PCYT1A: variants seen among roughly 807,000 people sequenced by gnomAD.
The protein encoded by PCYT1A is phosphate cytidylyltransferase 1A, choline, also known as choline-phosphate cytidylyltransferase A.
PCYT1A carries 25 observed loss-of-function variants against 43.7 expected under a neutral mutation model. The ratio of observed to expected loss-of-function variants is 0.57; its 90% confidence interval spans 0.42 to 0.80. The LOEUF (loss-of-function observed/expected upper bound fraction) is 0.80. Ranked by LOEUF, PCYT1A falls within the 30% of genes least tolerant of loss-of-function variation. PCYT1A has a pLI of 0.00. For synonymous variants in PCYT1A, 172 were observed against 170.7 expected (o/e 1.01, Z -0.06); for missense variants, 421 against 474.2 (o/e 0.89, Z 1.04).
At chr3:196,243,947 G>A (rs1244364530) in intron 5 of PCYT1A, among the ~76,000 whole-genome samples, 4 of 152,166 alleles carry the variant, frequency 2.6e-5, no homozygotes, top group African/African-American at 4.8e-5. Flanking sequence ...GCCTCTGCCC[G>A]GCCGCCACCC....
intron 7 of PCYT1A, chr3:196,241,531 C>T (rs775112505): frequency 1.3e-5 from 17 of 1,291,000 alleles, no homozygotes; most frequent in Admixed American, 2.3e-5. Flanking sequence ...ACTTAACTTT[C>T]GTCAATCCAA....
At chr3:196,265,269 T>C (rs956209755) in intron 2 of PCYT1A, among the ~76,000 whole-genome samples, 4 of 151,972 alleles carry the variant, frequency 2.6e-5, no homozygotes, top group African/African-American at 7.2e-5. Context: ...GGTTTCGCCA[T>C]GTTGGCCAGG....
chr3:196,240,797 T>C (rs1381502857), intron 7 of PCYT1A: 2 of 152,138 alleles, frequency 1.3e-5, no homozygotes, highest in African/African-American at 2.4e-5. Flanking sequence ...AATAAAGCTA[T>C]AGTAAGTAAA....
In PCYT1A at chr3:196,234,961, A is replaced by G. The variant is rs1382738185; in HGVS notation, c.*3727T>C. On this transcript the variant is annotated 3_prime_UTR_variant, in exon 9 of 9. Coordinates refer to ENST00000431016, the MANE Select transcript of PCYT1A (RefSeq NM_001312673.2). ...TAAGCTTAAAAAAATATCATCAGTTAAAAACATTAAGGGGGCTTTCTTTTT... is the reference window on the plus strand; with the variant it reads ...TAAGCTTAAAAAAATATCATCAGTTGAAAACATTAAGGGGGCTTTCTTTTT... The G allele has an allele frequency of 6.6e-6, 1 of 152,242 alleles. No homozygotes were observed. The highest frequency in any genetic ancestry group is 2.4e-5 in the African/African-American group (1 of 41,462). The allele number at this position is 152,242 out of a possible 1,614,324, so 9.4% of individuals were successfully genotyped here. A position where few individuals can be genotyped will look rare whatever the true frequency, so the allele number is the denominator to read the frequency against.
Position 196,238,567 on chromosome 3 carries a change from C to A in PCYT1A, c.*121G>T. ...CCCCCAGTCCTAGGTCTTCTTTCCC[C>A]AGTTGTCTTTCCTTTGTAGCTGTCC... On this transcript the variant is annotated 3_prime_UTR_variant, in exon 9 of 9. Transcript: ENST00000431016. The A allele has an allele frequency of 1.5e-6, 1 of 673,110 alleles. No individual in the cohort carries two copies. The highest frequency in any genetic ancestry group is 2.4e-6 in the Non-Finnish European group (1 of 415,738). The allele number at this position is 673,110 out of a possible 1,614,324, so 41.7% of individuals were successfully genotyped here.
chr3:196,245,173 G>A (rs1243652317), intron 5 of PCYT1A, among the ~76,000 whole-genome samples: 2 of 145,678 alleles, frequency 1.4e-5, no homozygotes, highest in Admixed American at 7.0e-5. Flanking sequence ...ACCGAGTCTC[G>A]CTCTGTCGCC....
intron 3 of PCYT1A, among the ~76,000 whole-genome samples, chr3:196,250,883 A>T (rs913871446): frequency 6.6e-6 from 1 of 151,982 alleles, no homozygotes; most frequent in Non-Finnish European, 1.5e-5. Context: ...GATCAGATAC[A>T]CTATGCTGAG....
At chr3:196,244,266 C>CCT (rs1724476478) in intron 5 of PCYT1A, among the ~76,000 whole-genome samples, 1 of 145,964 alleles carries the variant, frequency 6.9e-6, no homozygotes, top group Non-Finnish European at 1.5e-5. Flanking sequence ...CCTGGCCGCC[C>CCT]ATCGTCTGGG....
In PCYT1A at chr3:196,270,412, T is replaced by C. The variant is rs775994111; in HGVS notation, c.117+3A>G. On this transcript the variant is annotated splice_donor_region_variant and intron_variant, in intron 2 of 8. Transcript: ENST00000431016. ...TCCCCCTGCCAGGTTAATCTCCACT[T>C]ACCACTGCACAGCGCTGCACTTTGG... 1 of 1,594,454 alleles carries C rather than the reference T, an allele frequency of 6.3e-7. No individual in the cohort carries two copies. The highest frequency in any genetic ancestry group is 1.1e-5 in the South Asian group (1 of 90,674).
Position 196,268,631 on chromosome 3 carries a change from T to C in PCYT1A, c.117+1784A>G, listed in dbSNP as rs1725344844. Among the ~76,000 whole-genome samples the C allele has an allele frequency of 6.6e-6, 1 of 151,412 alleles. No homozygotes were observed. The highest frequency in any genetic ancestry group is 1.5e-5 in the Non-Finnish European group (1 of 67,890). On this transcript the variant is annotated intron_variant, in intron 2 of 8. Coordinates refer to ENST00000431016, the MANE Select transcript of PCYT1A (RefSeq NM_001312673.2). This position sits in a 1 kb window ranked among gnomAD's most constrained non-coding sequence, Gnocchi z 4.4. Reference sequence around the variant, plus strand: ...AAGACCCTTACTCTAAAAATAAAAATAAAAATAAAAATAGTAAGCCAGGCA... The same window carrying C: ...AAGACCCTTACTCTAAAAATAAAAACAAAAATAAAAATAGTAAGCCAGGCA...
rs1050254057 is a variant in PCYT1A, at chr3:196,237,477, T to C, written c.*1211A>G. ...TCTTGTCACGTGAGGGTATGCTCTGTGGCTTGCTGGAGGAGCAGCAGAGGG... is the reference window on the plus strand; with the variant it reads ...TCTTGTCACGTGAGGGTATGCTCTGCGGCTTGCTGGAGGAGCAGCAGAGGG... On this transcript the variant is annotated 3_prime_UTR_variant, in exon 9 of 9. Coordinates refer to ENST00000431016, the MANE Select transcript of PCYT1A (RefSeq NM_001312673.2). The C allele has an allele frequency of 6.6e-6, 1 of 152,220 alleles. No individual in the cohort carries two copies. The allele number at this position is 152,220 out of a possible 1,614,324, so 9.4% of individuals were successfully genotyped here.
At chr3:196,264,644 T>TATACTTAGCCTCCC (rs1725213696) in intron 2 of PCYT1A, among the ~76,000 whole-genome samples, 1 of 152,108 alleles carries the variant, frequency 6.6e-6, no homozygotes, top group Non-Finnish European at 1.5e-5. Flanking sequence ...TTGGGAGGCC[T>TATACTTAGCCTCCC]ATACTTAGCC....
chr3:196,253,952 C>G (rs1724876203), intron 3 of PCYT1A, among the ~76,000 whole-genome samples: 1 of 149,124 alleles, frequency 6.7e-6, no homozygotes, highest in South Asian at 2.1e-4. Flanking sequence ...ATATAATGTA[C>G]TATATAATAC....
intron 2 of PCYT1A, among the ~76,000 whole-genome samples, chr3:196,258,485 A>ATTATCAGT (rs1355939409): frequency 3.3e-5 from 5 of 152,038 alleles, no homozygotes; most frequent in Non-Finnish European, 7.4e-5. Context: ...GCTAAAGTTA[A>ATTATCAGT]TTATCAGTTC....
rs540558040 is a variant in PCYT1A at position 196,280,577 on chromosome 3, T to TG, written c.-11+7037_-11+7038insC. ...TGTATTGGTATTTTTATTGTTTTTT[T>TG]TTTTTTTTTTTTCTGAATATTTTCG... is the stretch of plus-strand genomic sequence containing the variant. On this transcript the variant is annotated intron_variant, in intron 1 of 8. Coordinates refer to ENST00000431016, the MANE Select transcript of PCYT1A (RefSeq NM_001312673.2). Among the ~76,000 whole-genome samples the TG allele has an allele frequency of 6.1e-5, 9 of 147,972 alleles. No individual in the cohort carries two copies. In the South Asian group the frequency reaches 1.5e-3, roughly 25 times the overall value.
intron 3 of PCYT1A, among the ~76,000 whole-genome samples, chr3:196,256,316 C>G (rs1034254271): frequency 1.3e-5 from 2 of 151,990 alleles, no homozygotes; most frequent in Non-Finnish European, 2.9e-5. Flanking sequence ...ATGGTGAAAC[C>G]CCGTCTCTAC....
Position 196,247,517 on chromosome 3 carries a change from A to G in PCYT1A, c.336T>C (p.Val112=). ...LFPNTYLIVG[V]CSDELTHNFK... is the part of the protein sequence containing the mutation. The stretch of plus-strand genomic sequence containing the variant: ...AGTTGTGTGTGAGCTCATCACTGCA[A>G]ACTGGTTCACCACATCATAAATTGT... Residue 112 remains valine, a splice_region_variant and synonymous_variant, in exon 5 of 9, where the codon GTT becomes GTC. Coordinates refer to ENST00000431016, the MANE Select transcript of PCYT1A (RefSeq NM_001312673.2). The surrounding 1 kb of genome is among the most constrained non-coding windows in gnomAD (Gnocchi z 4.8). 1 of 1,614,004 alleles carries G rather than the reference A, an allele frequency of 6.2e-7. No individual in the cohort carries two copies.
chr3:196,257,513 C>G (rs1322531042), intron 3 of PCYT1A, among the ~76,000 whole-genome samples: 1 of 152,098 alleles, frequency 6.6e-6, no homozygotes, highest in Non-Finnish European at 1.5e-5. Flanking sequence ...TCAGCTCAAG[C>G]TAATATAATA....
intron 5 of PCYT1A, among the ~76,000 whole-genome samples, chr3:196,245,085 A>G (rs993615699): frequency 8.0e-4 from 51 of 63,870 alleles, no homozygotes; most frequent in Admixed American, 3.8e-3. Context: ...AAGAATGATC[A>G]ATAAAAATAC....
Sources: allele counts gnomAD v4.1 joint callset (sites outside exome capture counted in the v4.1 genomes callset), GRCh38; gene constraint gnomAD v4.1.1; non-coding constraint Gnocchi (gnomAD v3.1); transcripts MANE v1.5; gene names NCBI Gene and HGNC (gene_info 2026-07-23, HGNC 2026-07-21).